Variants in SRBD1 observed in about 807,000 individuals in gnomAD.
SRBD1 encodes the protein S1 RNA binding domain 1.
Under a neutral mutation model 115.3 loss-of-function variants are expected in SRBD1, and 88 were observed. That is an observed-to-expected ratio of 0.76 (90% CI 0.64 to 0.91). SRBD1 has a LOEUF of 0.91. Among genes scored for constraint, SRBD1 ranks in the 40% least tolerant of loss-of-function variants. The pLI, the probability that SRBD1 is intolerant of heterozygous loss-of-function variation, is 0.00. For missense variants in SRBD1, 1,385 were observed against 1,177.4 expected (o/e 1.18, Z -2.58); for synonymous variants, 509 against 407.7 (o/e 1.25, Z -2.99).
chr2:45,473,149 G>C (rs1041826989), intron 16 of SRBD1, among the ~76,000 whole-genome samples: 10 of 151,734 alleles, frequency 6.6e-5, no homozygotes, highest in African/African-American at 2.4e-4. Flanking sequence ...ACCTTTGGAT[G>C]AAATTATAAA....
chr2:45,548,338 A>C (rs1260853230), intron 12 of SRBD1, among the ~76,000 whole-genome samples: 1 of 151,908 alleles, frequency 6.6e-6, no homozygotes, highest in African/African-American at 2.4e-5. Context: ...ATACCAATCA[A>C]GTAAAAGAAA....
At chr2:45,419,940 C>A (rs1342188795) in intron 16 of SRBD1, 46 bp from the exon 17 acceptor site, 2 of 1,528,396 alleles carry the variant, frequency 1.3e-6, no homozygotes, top group Non-Finnish European at 1.8e-6. Context: ...AGATGTAGTT[C>A]TTGGACTATT....
In SRBD1 at chr2:45,596,913, AC is replaced by A. The variant is rs770256361; in HGVS notation, c.648+2535del. ...AAATGCCCTCCTTTTCTCAGAGAAC[AC>A]CCCCCCACAACCCTAACACACACAC... On this transcript the variant is annotated intron_variant, in intron 4 of 20. Coordinates refer to ENST00000263736, the MANE Select transcript of SRBD1 (RefSeq NM_018079.5). Among the ~76,000 whole-genome samples, 363 of 135,304 alleles carry A rather than the reference AC, an allele frequency of 2.7e-3. 1 individual carries two copies. The highest frequency in any genetic ancestry group is 4.8e-3 in the Non-Finnish European group (308 of 64,172). The allele number at this position is 135,304 out of a possible 152,430, so 88.8% of individuals were successfully genotyped here. A position where few individuals can be genotyped will look rare whatever the true frequency, so the allele number is the denominator to read the frequency against.
chr2:45,604,346 A>G (rs984819411), intron 2 of SRBD1, among the ~76,000 whole-genome samples: 1 of 149,772 alleles, frequency 6.7e-6, no homozygotes, highest in African/African-American at 2.5e-5. Context: ...ATTGAGCCAT[A>G]AGACAAGATC....
chr2:45,579,734 G>A (rs1160217808), intron 7 of SRBD1, 141 bp downstream of exon 7: 17 of 1,031,030 alleles, frequency 1.6e-5, no homozygotes, highest in Non-Finnish European at 2.1e-5. Context: ...AGGTATGTCA[G>A]GATTTATTTC....
chr2:45,437,370 A>AG (rs1668529177), intron 16 of SRBD1, among the ~76,000 whole-genome samples: 1 of 151,728 alleles, frequency 6.6e-6, no homozygotes, highest in South Asian at 2.1e-4. Flanking sequence ...AAAAAAAAAA[A>AG]AAAAGACAAA....
intron 16 of SRBD1, among the ~76,000 whole-genome samples, chr2:45,466,555 C>T (rs886167370): frequency 3.3e-5 from 5 of 152,170 alleles, no homozygotes; most frequent in African/African-American, 9.7e-5. Context: ...ACTTCTGCCT[C>T]CACCACTCCA....
rs117483079 is a variant in SRBD1, at chr2:45,490,518, A to G, written c.1875-2187T>C. On this transcript the variant is annotated intron_variant, in intron 14 of 20. Coordinates refer to ENST00000263736, the MANE Select transcript of SRBD1 (RefSeq NM_018079.5). The stretch of plus-strand genomic sequence containing the variant: ...TCTTTTCTAAAAAGACAGAGTATCC[A>G]TGAAGTACAGGCTAGACCTATTATT... Among the ~76,000 whole-genome samples the G allele has an allele frequency of 1.1e-3, 168 of 152,332 alleles. 2 individuals carry two copies. The East Asian group carries it at 0.018, about 16-fold the overall frequency.
intron 14 of SRBD1, among the ~76,000 whole-genome samples, chr2:45,499,536 T>G (rs965526746): frequency 6.6e-6 from 1 of 152,194 alleles, no homozygotes; most frequent in Non-Finnish European, 1.5e-5. Context: ...GCTTTGTCTG[T>G]GCTTTTGAGG....
At chr2:45,453,208 G>A (rs1348819747) in intron 16 of SRBD1, among the ~76,000 whole-genome samples, 1 of 148,916 alleles carries the variant, frequency 6.7e-6, no homozygotes, top group African/African-American at 2.5e-5. Context: ...CTGTACTGGG[G>A]AAACTGGTAT....
At chr2:45,513,769 C>A (rs12712944) in intron 14 of SRBD1, among the ~76,000 whole-genome samples, 37,925 of 151,914 alleles carry the variant, frequency 0.25, 5,095 homozygotes, top group African/African-American at 0.34. Flanking sequence ...AATGTAAATT[C>A]GGTCTTGTTC....
At chr2:45,587,353 AGG>A in intron 4 of SRBD1, among the ~76,000 whole-genome samples, 1 of 151,162 alleles carries the variant, frequency 6.6e-6, no homozygotes, top group Non-Finnish European at 1.5e-5. Flanking sequence ...TTAAGTCTAC[AGG>A]TTTTAGCAAA....
chr2:45,410,573 A>G (rs1165753354), intron 19 of SRBD1, among the ~76,000 whole-genome samples: 1 of 152,200 alleles, frequency 6.6e-6, no homozygotes, highest in African/African-American at 2.4e-5. Context: ...AGAGTGATAG[A>G]TAAGAGTGTC....
intron 4 of SRBD1, among the ~76,000 whole-genome samples, chr2:45,588,142 C>T (rs1444195380): frequency 3.3e-5 from 5 of 152,220 alleles, no homozygotes; most frequent in African/African-American, 1.2e-4. Flanking sequence ...TCTGTCTCAT[C>T]TATTCCAGTA....
chr2:45,423,036 T>A (rs1668052246), intron 16 of SRBD1, among the ~76,000 whole-genome samples: 1 of 152,192 alleles, frequency 6.6e-6, no homozygotes, highest in Admixed American at 6.5e-5. Context: ...AGCCACATTT[T>A]ATATAGAAAA....
intron 14 of SRBD1, among the ~76,000 whole-genome samples, chr2:45,521,942 T>G (rs1671297832): frequency 6.6e-6 from 1 of 150,410 alleles, no homozygotes; most frequent in South Asian, 2.1e-4. Context: ...CACTCTAGCC[T>G]GGATGACAGA....
chr2:45,495,647 C>G (rs957650101), intron 14 of SRBD1, among the ~76,000 whole-genome samples: 1 of 152,128 alleles, frequency 6.6e-6, no homozygotes, highest in African/African-American at 2.4e-5. Flanking sequence ...GGACCAAACA[C>G]AAGACCTGAT....
chr2:45,393,261 TTA>T lies in SRBD1; in HGVS notation c.2514-134_2514-133del, dbSNP rs2103815292. 6.7e-6 allele frequency: 6 copies of T among 897,152 alleles called. No individual in the cohort carries two copies. In the South Asian group the frequency reaches 1.3e-4, roughly 19 times the overall value. The allele number at this position is 897,152 out of a possible 1,614,324, so 55.6% of individuals were successfully genotyped here. The stretch of plus-strand genomic sequence containing the variant: ...TCAATCAGTCTTTATTGAGAATCTA[TTA>T]TGTGTCCTGTGCTGTAAACTGTCCT... On this transcript the variant is annotated intron_variant, in intron 19 of 20. Coordinates refer to ENST00000263736, the MANE Select transcript of SRBD1 (RefSeq NM_018079.5).
chr2:45,412,364 T>G (rs1450754686), intron 19 of SRBD1, among the ~76,000 whole-genome samples: 1 of 152,114 alleles, frequency 6.6e-6, no homozygotes, highest in Admixed American at 6.5e-5. Flanking sequence ...TTCTATAATA[T>G]ACTATAGTCT....
Sources: gnomAD v4.1 joint callset for allele counts (sites outside exome capture counted in the v4.1 genomes callset) on GRCh38, gnomAD v4.1.1 for gene constraint, MANE v1.5 for transcripts, NCBI Gene and HGNC (gene_info 2026-07-23, HGNC 2026-07-21) for gene names.